The following POU6F2 variants were observed in gnomAD, a reference collection of about 807,000 sequenced individuals.
POU6F2 encodes POU class 6 homeobox 2.
In POU6F2, 31 loss-of-function variants were observed where a neutral mutation model predicts 71.3. The observed-to-expected ratio is 0.43, with a 90% CI of 0.33 to 0.59. POU6F2 has a LOEUF of 0.59. POU6F2 is among the 20% of genes least tolerant of loss of function. The pLI, the probability that POU6F2 is intolerant of heterozygous loss-of-function variation, is 0.04. For missense variants in POU6F2, 783 were observed against 856.8 expected, an observed-to-expected ratio of 0.91 and a Z score of 1.07; for synonymous variants, 347 against 355.7, an observed-to-expected ratio of 0.98 and a Z score of 0.27.
intron 8 of POU6F2, among the ~76,000 whole-genome samples, chr7:39,456,843 G>A (rs969637911): frequency 4.6e-5 from 7 of 152,184 alleles, no homozygotes; most frequent in African/African-American, 1.4e-4. Flanking sequence ...GTAGAACCAG[G>A]AGAAAATACA....
In POU6F2 at chr7:39,467,885, A is replaced by G. The variant is rs1456846572; in HGVS notation, c.*3199A>G. 1.3e-5 allele frequency: 2 copies of G among 152,194 alleles called. No homozygotes were observed. The highest frequency in any genetic ancestry group is 2.9e-5 in the Non-Finnish European group (2 of 68,022). The allele number at this position is 152,194 out of a possible 1,614,324, so 9.4% of individuals were successfully genotyped here. ...GGACCAAAGCTCAATATTTGTAGGT[A>G]TATGCACATTGTATAGATATGGCTA... On this transcript the variant is annotated 3_prime_UTR_variant, in exon 10 of 10. Transcript: ENST00000518318.
chr7:39,348,462 C>T lies in POU6F2; in HGVS notation c.972+8447C>T, dbSNP rs546061587. 2.0e-5 allele frequency among the ~76,000 whole-genome samples: 3 copies of T among 152,202 alleles called. No individual in the cohort carries two copies. In the East Asian group the frequency reaches 5.8e-4, roughly 29 times the overall value. ...TATCTTTTACTAAGTTCTTTGGTCTCTCTTTTTCTCATCACAACCCAGAAG... is the reference window on the plus strand; with the variant it reads ...TATCTTTTACTAAGTTCTTTGGTCTTTCTTTTTCTCATCACAACCCAGAAG... On this transcript the variant is annotated intron_variant, in intron 5 of 9. Coordinates refer to ENST00000518318, the MANE Select transcript of POU6F2 (RefSeq NM_001370959.1).
At chr7:39,101,440 G>C (rs937364750) in intron 2 of POU6F2, among the ~76,000 whole-genome samples, 5 of 145,128 alleles carry the variant, frequency 3.4e-5, no homozygotes, top group African/African-American at 5.0e-5. Context: ...GCTTTTTCTA[G>C]GCAAGATTTT....
intron 2 of POU6F2, among the ~76,000 whole-genome samples, chr7:39,119,993 A>G (rs1385994129): frequency 6.6e-6 from 1 of 152,240 alleles, no homozygotes; most frequent in Non-Finnish European, 1.5e-5. Flanking sequence ...ATGAAATAAA[A>G]TAAAATCCAA....
intron 5 of POU6F2, 114 bp downstream of exon 5, chr7:39,340,129 C>A: frequency 1.5e-6 from 2 of 1,354,340 alleles, no homozygotes; most frequent in Non-Finnish European, 2.0e-6. Context: ...AGTTCTGCAG[C>A]ATCTAATTCA....
chr7:39,034,162 G>A (rs1790008599), intron 1 of POU6F2, among the ~76,000 whole-genome samples: 1 of 152,160 alleles, frequency 6.6e-6, no homozygotes, highest in African/African-American at 2.4e-5. Context: ...GGAGCTTTGT[G>A]TTAGACCTAT....
intron 2 of POU6F2, among the ~76,000 whole-genome samples, chr7:39,098,968 TC>T (rs1791515092): frequency 6.6e-6 from 1 of 152,206 alleles, no homozygotes; most frequent in Non-Finnish European, 1.5e-5. Context: ...CCAAGGGTCC[TC>T]CTGATCAAAG....
chr7:39,346,233 C>A (rs149011774), intron 5 of POU6F2, among the ~76,000 whole-genome samples: 1 of 152,160 alleles, frequency 6.6e-6, no homozygotes, highest in Non-Finnish European at 1.5e-5. Flanking sequence ...AGAATCTACT[C>A]ATATACTGTA....
intron 7 of POU6F2, among the ~76,000 whole-genome samples, chr7:39,433,671 A>G (rs1788164339): frequency 6.6e-6 from 1 of 152,208 alleles, no homozygotes; most frequent in Non-Finnish European, 1.5e-5. Flanking sequence ...AAGAGATCCC[A>G]AGGTGCTGCT....
In POU6F2 at chr7:39,468,136, T is replaced by G. The variant is rs916151902; in HGVS notation, c.*3450T>G. 1.3e-5 allele frequency: 2 copies of G among 152,174 alleles called. No homozygotes were observed. The highest frequency in any genetic ancestry group is 2.9e-5 in the Non-Finnish European group (2 of 68,026). 9.4% of individuals were successfully genotyped at this position (152,174 alleles called of 1,614,324 possible). On this transcript the variant is annotated 3_prime_UTR_variant, in exon 10 of 10. Transcript: ENST00000518318. ...TGAGCTTTTTGTCATGTGATTTGCT[T>G]GTCTTCAACTTGAAATTATGTGAGG... is the stretch of plus-strand genomic sequence containing the variant.
At chr7:39,294,894 C>T (rs147839638) in intron 4 of POU6F2, among the ~76,000 whole-genome samples, 5 of 152,276 alleles carry the variant, frequency 3.3e-5, no homozygotes, top group African/African-American at 9.6e-5. Flanking sequence ...AACATGAGAA[C>T]ATTTCAGAGT....
At chr7:39,193,928 T>C (rs35136533) in intron 2 of POU6F2, among the ~76,000 whole-genome samples, 43,673 of 152,100 alleles carry the variant, frequency 0.29, 6,729 homozygotes, top group East Asian at 0.71. Context: ...CTAATAGGGT[T>C]ATTGTAAGAG....
intron 2 of POU6F2, among the ~76,000 whole-genome samples, chr7:39,139,069 C>T (rs1474414338): frequency 6.6e-6 from 1 of 152,170 alleles, no homozygotes; most frequent in East Asian, 1.9e-4. Flanking sequence ...CCCTCTTGAG[C>T]TTTTTAAGAA....
intron 4 of POU6F2, among the ~76,000 whole-genome samples, chr7:39,327,207 A>C (rs187033902): frequency 0.027 from 4,147 of 150,824 alleles, 93 homozygotes; most frequent in South Asian, 0.076. Flanking sequence ...TGAACCCAGG[A>C]GGTGGAGCTT....
In POU6F2 at chr7:39,464,097, G is replaced by T. The variant is rs1191292787; in HGVS notation, c.1659-85G>T. 19 of 1,513,628 alleles carry T rather than the reference G, an allele frequency of 1.3e-5. No homozygotes were observed. The East Asian group carries it at 3.6e-4, about 29-fold the overall frequency. 93.8% of individuals were successfully genotyped at this position (1,513,628 alleles called of 1,614,324 possible). On this transcript the variant is annotated intron_variant, in intron 9 of 9. Transcript: ENST00000518318. The surrounding 1 kb of genome is among the most constrained non-coding windows in gnomAD (Gnocchi z 4.1). Reference sequence around the variant, plus strand: ...TATTAACCTGCAGTAAATTCGCCCTGCCAGGCAGTCAGGCAGGCAGGCAGG... The same window carrying T: ...TATTAACCTGCAGTAAATTCGCCCTTCCAGGCAGTCAGGCAGGCAGGCAGG...
chr7:39,064,055 C>T (rs1790709774), intron 1 of POU6F2, among the ~76,000 whole-genome samples: 2 of 152,002 alleles, frequency 1.3e-5, no homozygotes, highest in African/African-American at 4.8e-5. Context: ...GGGAAAGGAA[C>T]ATCGTGAAGT....
chr7:39,338,344 G>A (rs532137285), intron 4 of POU6F2, among the ~76,000 whole-genome samples: 2 of 152,304 alleles, frequency 1.3e-5, no homozygotes, highest in South Asian at 2.1e-4. Flanking sequence ...TAATAAACGG[G>A]ATGATGCCGG....
intron 5 of POU6F2, among the ~76,000 whole-genome samples, chr7:39,404,431 G>C (rs976334321): frequency 6.6e-6 from 1 of 152,102 alleles, no homozygotes; most frequent in Non-Finnish European, 1.5e-5. Flanking sequence ...ATAGATGTTA[G>C]GGAAATGCCT....
intron 4 of POU6F2, among the ~76,000 whole-genome samples, chr7:39,290,934 C>A (rs1192536403): frequency 6.7e-6 from 1 of 148,612 alleles, no homozygotes; most frequent in African/African-American, 2.5e-5. Context: ...AATGTCACTA[C>A]TATAAAGAAA....
Sources: allele counts gnomAD v4.1 joint callset (sites outside exome capture counted in the v4.1 genomes callset), GRCh38; gene constraint gnomAD v4.1.1; non-coding constraint Gnocchi (gnomAD v3.1); transcripts MANE v1.5; gene names NCBI Gene and HGNC (gene_info 2026-07-23, HGNC 2026-07-21).